Variants in HTR1F observed in about 807,000 individuals in gnomAD.
HTR1F encodes the protein 5-hydroxytryptamine (serotonin) receptor 1F, G protein-coupled.
A neutral mutation model predicts 24.0 loss-of-function variants in HTR1F; 17 were observed. The observed-to-expected ratio is 0.71, with a 90% CI of 0.48 to 1.06. The LOEUF is 1.06. HTR1F is among the 50% of genes least tolerant of loss of function. HTR1F has a pLI of 0.00. For missense variants in HTR1F, 391 were observed against 427.8 expected, an observed-to-expected ratio of 0.91 and a Z score of 0.76; for synonymous variants, 186 against 156.8, an observed-to-expected ratio of 1.19 and a Z score of -1.39.
chr3:87,944,309 G>A (rs1355112865), intron 2 of HTR1F, among the ~76,000 whole-genome samples: 2 of 152,172 alleles, frequency 1.3e-5, no homozygotes, highest in African/African-American at 4.8e-5. Context: ...AGAGGATGTA[G>A]GTAACCTTTT....
intron 2 of HTR1F, among the ~76,000 whole-genome samples, chr3:87,950,508 A>G (rs1168230779): frequency 6.6e-6 from 1 of 151,792 alleles, no homozygotes; most frequent in Non-Finnish European, 1.5e-5. Context: ...GGATGCCCTG[A>G]TGTTATTTTT....
chr3:87,853,619 G>C (rs977989460), intron 2 of HTR1F, among the ~76,000 whole-genome samples: 1 of 151,868 alleles, frequency 6.6e-6, no homozygotes, highest in African/African-American at 2.4e-5. Context: ...TGGTATTTCT[G>C]TTTTTAGGTC....
intron 2 of HTR1F, among the ~76,000 whole-genome samples, chr3:87,954,252 A>G (rs1418899007): frequency 6.6e-6 from 1 of 151,852 alleles, no homozygotes; most frequent in African/African-American, 2.4e-5. Context: ...ATCCTAAATC[A>G]CTTGACTTGA....
At chr3:87,815,389 G>A (rs572683977) in intron 1 of HTR1F, among the ~76,000 whole-genome samples, 1 of 152,126 alleles carries the variant, frequency 6.6e-6, no homozygotes, top group Non-Finnish European at 1.5e-5. Context: ...TAAGCTTATG[G>A]TAGTATCAGG....
chr3:87,960,579 C>A (rs2107477761), intron 2 of HTR1F, among the ~76,000 whole-genome samples: 1 of 152,074 alleles, frequency 6.6e-6, no homozygotes, highest in Middle Eastern at 3.4e-3. Flanking sequence ...CTAGACCATT[C>A]TGAGTTCCCT....
chr3:87,805,231 A>C (rs1474391338), intron 1 of HTR1F, among the ~76,000 whole-genome samples: 1 of 151,622 alleles, frequency 6.6e-6, no homozygotes, highest in Non-Finnish European at 1.5e-5. Flanking sequence ...CTTCTCCAAA[A>C]TTTTCTTTAT....
chr3:87,855,490 C>A (rs1395201259), intron 2 of HTR1F, among the ~76,000 whole-genome samples: 1 of 151,998 alleles, frequency 6.6e-6, no homozygotes, highest in East Asian at 1.9e-4. Flanking sequence ...ACTCCCCCAG[C>A]AAGTCTCAAT....
intron 1 of HTR1F, among the ~76,000 whole-genome samples, chr3:87,795,532 G>A (rs940343128): frequency 2.2e-4 from 34 of 152,206 alleles, no homozygotes; most frequent in African/African-American, 7.9e-4. Flanking sequence ...TTGAGGCAGG[G>A]TAAACAAGAT....
chr3:87,855,658 T>C (rs1159160901), intron 2 of HTR1F, among the ~76,000 whole-genome samples: 1 of 152,126 alleles, frequency 6.6e-6, no homozygotes, highest in Non-Finnish European at 1.5e-5. Context: ...GTGCCTGGTG[T>C]GAATTACCCA....
chr3:87,948,544 T>C (rs529345414), intron 2 of HTR1F, among the ~76,000 whole-genome samples: 4 of 152,058 alleles, frequency 2.6e-5, no homozygotes, highest in Admixed American at 6.5e-5. Context: ...TGCAGTCGCA[T>C]AGTCACAGCT....
intron 2 of HTR1F, among the ~76,000 whole-genome samples, chr3:87,861,253 G>A (rs2107229957): frequency 6.6e-6 from 1 of 152,242 alleles, no homozygotes; most frequent in Non-Finnish European, 1.5e-5. Flanking sequence ...AGTTGAGATG[G>A]TGATTCCACT....
chr3:87,901,713 A>G (rs1706328011), intron 2 of HTR1F, among the ~76,000 whole-genome samples: 1 of 148,298 alleles, frequency 6.7e-6, no homozygotes, highest in Admixed American at 6.7e-5. Context: ...ACCAAAAATG[A>G]AAAAAAAATG....
intron 2 of HTR1F, among the ~76,000 whole-genome samples, chr3:87,933,467 C>T (rs138784557): frequency 0.012 from 1,824 of 152,270 alleles, 33 homozygotes; most frequent in African/African-American, 0.04. Flanking sequence ...ATTGTCTAAG[C>T]TCAAAATCTC....
intron 1 of HTR1F, among the ~76,000 whole-genome samples, chr3:87,798,555 TAG>T (rs2107059884): frequency 6.6e-6 from 1 of 151,904 alleles, no homozygotes; most frequent in East Asian, 1.9e-4. Flanking sequence ...CCGCCGTAGC[TAG>T]AGTCCCATTT....
chr3:87,936,875 A>G (rs1225711817), intron 2 of HTR1F, among the ~76,000 whole-genome samples: 1 of 150,522 alleles, frequency 6.6e-6, no homozygotes, highest in Admixed American at 6.6e-5. Flanking sequence ...TAGAAAATCT[A>G]GAAGAGACAA....
chr3:87,861,858 C>A (rs1187952107), intron 2 of HTR1F, among the ~76,000 whole-genome samples: 3 of 152,050 alleles, frequency 2.0e-5, no homozygotes, highest in South Asian at 4.1e-4. Flanking sequence ...ACATTCCTAA[C>A]TTTTCACATT....
chr3:87,981,024 C>T (rs1447974870), intron 2 of HTR1F, among the ~76,000 whole-genome samples: 1 of 152,146 alleles, frequency 6.6e-6, no homozygotes, highest in Non-Finnish European at 1.5e-5. Flanking sequence ...ACCCCACCAA[C>T]TCAGAAGGGT....
chr3:87,793,133 C>T (rs1703843812), intron 1 of HTR1F: 1 of 152,486 alleles, frequency 6.6e-6, no homozygotes. Flanking sequence ...AGGGAGGGGT[C>T]TGACCCGGGC....
chr3:87,838,585 T>G (rs924583741), intron 2 of HTR1F, among the ~76,000 whole-genome samples: 3 of 152,148 alleles, frequency 2.0e-5, no homozygotes, highest in African/African-American at 7.2e-5. Context: ...TTTCCTTGAT[T>G]GCTGTGATTA....
Sources: gnomAD v4.1 joint callset for allele counts (sites outside exome capture counted in the v4.1 genomes callset) on GRCh38, gnomAD v4.1.1 for gene constraint, MANE v1.5 for transcripts, NCBI Gene and HGNC (gene_info 2026-07-23, HGNC 2026-07-21) for gene names.